Variants in GTF3C1 observed in about 807,000 individuals in gnomAD.
GTF3C1 encodes general transcription factor IIIC subunit 1.
A neutral mutation model predicts 226.7 loss-of-function variants in GTF3C1; 57 were observed. That is an observed-to-expected ratio of 0.25 (90% CI 0.20 to 0.31). GTF3C1 has a LOEUF of 0.31. Among genes scored for constraint, GTF3C1 ranks in the 10% least tolerant of loss-of-function variants. The pLI is 1.00. For synonymous variants in GTF3C1, 1,090 were observed against 1,084.8 expected, an observed-to-expected ratio of 1.00 and a Z score of -0.09; for missense variants, 2,217 against 2,776.1, an observed-to-expected ratio of 0.80 and a Z score of 4.53.
chr16:27,528,824 A>G, intron 5 of GTF3C1, 103 bp from the exon 6 acceptor site: 1 of 1,154,900 alleles, frequency 8.7e-7, no homozygotes, highest in Non-Finnish European at 1.3e-6. Flanking sequence ...GAATTAATTG[A>G]TTATCTTGAG....
rs1009853755 is a variant in GTF3C1 at position 27,526,191 on chromosome 16, G to GT, written c.973+2406dup. On this transcript the variant is annotated intron_variant, in intron 6 of 36. Coordinates refer to ENST00000356183, the MANE Select transcript of GTF3C1 (RefSeq NM_001520.4). ...TCTCCAGCCTCTGGCCTAGGAAACC[G>GT]TAAGTCTGGCTGTCAGTGTTGGAAG... is the stretch of plus-strand genomic sequence containing the variant. Among the ~76,000 whole-genome samples, 159 of 152,314 alleles carry GT rather than the reference G, an allele frequency of 1.0e-3. 2 individuals are homozygous for GT. The highest frequency in any genetic ancestry group is 3.5e-3 in the African/African-American group (144 of 41,590).
chr16:27,549,692 G>C lies in GTF3C1; in HGVS notation c.199C>G (p.Pro67Ala). Residue 67 changes from proline (P) to alanine (A), a missense_variant, in exon 1 of 37, where the codon CCC becomes GCC. Physicochemically the swap from Pro to Ala is conservative, Grantham distance 27 (BLOSUM62 -1). This residue lies in a region of GTF3C1 where 192 missense variants were observed against 251.8 expected (regional missense o/e 0.76). Coordinates refer to ENST00000356183, the MANE Select transcript of GTF3C1 (RefSeq NM_001520.4). ...ISFYEEPRER[P>A]DLQLQDRYEE... The stretch of plus-strand genomic sequence containing the variant: ...GACCGGTCCTGGAGCTGTAGGTCGG[G>C]TCGCTCCCGAGGCTCCTCATAGAAG... 1.3e-6 allele frequency: 2 copies of C among 1,591,548 alleles called. No homozygotes were observed. Among genetic ancestry groups the C allele is most frequent in the Non-Finnish European group, 1.7e-6 (2 of 1,170,686 alleles).
rs925274705 is a variant in GTF3C1 at position 27,464,960 on chromosome 16, C to T, written c.5356-124G>A. 1.8e-4 allele frequency: 144 copies of T among 806,958 alleles called. 1 individual carries two copies. The highest frequency in any genetic ancestry group is 3.0e-4 in the East Asian group (11 of 37,148). The allele number at this position is 806,958 out of a possible 1,614,324, so 50.0% of individuals were successfully genotyped here. The stretch of plus-strand genomic sequence containing the variant: ...GAGTGCCCTGAGCAGCCCAGGCCCA[C>T]GAGGCAGGCCTGGCTCCTAGCCCCG... On this transcript the variant is annotated intron_variant, in intron 33 of 36. Coordinates refer to ENST00000356183, the MANE Select transcript of GTF3C1 (RefSeq NM_001520.4).
At chr16:27,538,924 CT>C (rs1210146145) in intron 2 of GTF3C1, among the ~76,000 whole-genome samples, 1 of 146,330 alleles carries the variant, frequency 6.8e-6, no homozygotes, top group African/African-American at 2.5e-5. Context: ...TTTCCATATT[CT>C]TCATAGAACT....
At chr16:27,535,003 T>A (rs1465610489) in intron 4 of GTF3C1, among the ~76,000 whole-genome samples, 1 of 152,202 alleles carries the variant, frequency 6.6e-6, no homozygotes, top group Non-Finnish European at 1.5e-5. Context: ...CATTGATGCA[T>A]AAAATATAGG....
Position 27,495,284 on chromosome 16 carries a change from G to C in GTF3C1, c.2559C>G (p.Cys853Trp). 6.2e-7 allele frequency: 1 copy of C among 1,613,332 alleles called. No homozygotes were observed. Among genetic ancestry groups the C allele is most frequent in the Non-Finnish European group, 8.5e-7 (1 of 1,179,414 alleles). The change falls in exon 15 of 37, where the codon TGC becomes TGG. Residue 853 changes from cysteine to tryptophan, a missense_variant. Physicochemically the swap from Cys to Trp is radical, Grantham distance 215. Around this residue, in one of 12 missense-constraint regions of GTF3C1, gnomAD observed 353 missense variants for 411.7 expected, o/e 0.86. Coordinates refer to ENST00000356183, the MANE Select transcript of GTF3C1 (RefSeq NM_001520.4). The stretch of plus-strand genomic sequence containing the variant: ...GGCTGCCTTTAGATGGGGCTTCAGA[G>C]CAGGCCTCCCAGGCACTTCCAGAGG... ...PSSSGSAWEA[C>W]SEAPSKGSQD... is the part of the protein sequence containing the mutation.
Position 27,493,251 on chromosome 16 carries a change from T to C in GTF3C1, c.2824A>G (p.Thr942Ala). The C allele has an allele frequency of 6.2e-7, 1 of 1,612,416 alleles. No homozygotes were observed. Among genetic ancestry groups the C allele is most frequent in the Non-Finnish European group, 8.5e-7 (1 of 1,178,424 alleles). ...GGCCTGGGGAGAAAGCGGATCAGCG[T>C]GTGCTTCTTCAGCGGGTCGTTCAGA... ...EFLNDPLKKH[T>A]LIRFLPRPIR... The change falls in exon 17 of 37, where the codon ACG becomes GCG. Residue 942 changes from threonine to alanine, a missense_variant. This residue lies in a region of GTF3C1 where 353 missense variants were observed against 411.7 expected (regional missense o/e 0.86). Transcript: ENST00000356183.
At position 27,471,720 on chromosome 16, in the gene GTF3C1, G is replaced by A. The variant is rs1246288732; in HGVS notation, c.4526+28C>T. 3.2e-5 allele frequency: 51 copies of A among 1,582,892 alleles called. No homozygotes were observed. Among genetic ancestry groups the A allele is most frequent in the Non-Finnish European group, 4.3e-5 (50 of 1,152,390 alleles). On this transcript the variant is annotated intron_variant, in intron 30 of 36. Transcript: ENST00000356183. The surrounding 1 kb of genome is among the most constrained non-coding windows in gnomAD (Gnocchi z 5.0). ...AGACAGGGCGTGGCTCCACCTCGGA[G>A]TACCCAAGGCTCCTGACAGGTACTC...
rs1567422742 is a variant in GTF3C1 at position 27,549,894 on chromosome 16, T to C, written c.-4A>G. Reference sequence around the variant, plus strand: ...ACAACGACTCCAGCGCGTCCATTGCTACTTCAGTCGGCGGCGCCCGGGGCG... The same window carrying C: ...ACAACGACTCCAGCGCGTCCATTGCCACTTCAGTCGGCGGCGCCCGGGGCG... On this transcript the variant is annotated 5_prime_UTR_variant, in exon 1 of 37. Transcript: ENST00000356183. 2.5e-6 allele frequency: 4 copies of C among 1,607,532 alleles called. No individual in the cohort carries two copies. The highest frequency in any genetic ancestry group is 1.3e-5 in the African/African-American group (1 of 74,936).
chr16:27,544,200 G>A (rs756100835), intron 2 of GTF3C1, among the ~76,000 whole-genome samples: 6 of 151,930 alleles, frequency 3.9e-5, no homozygotes, highest in Non-Finnish European at 7.4e-5. Context: ...ACCAGCCTGA[G>A]CAACATGGCA....
chr16:27,525,670 C>T (rs2088821399), intron 6 of GTF3C1, among the ~76,000 whole-genome samples: 1 of 152,232 alleles, frequency 6.6e-6, no homozygotes, highest in African/African-American at 2.4e-5. Flanking sequence ...CTGCAGGGCA[C>T]TGAGCCCCGC....
chr16:27,483,372 C>T (rs1009550972), intron 25 of GTF3C1: 17 of 618,312 alleles, frequency 2.7e-5, no homozygotes, highest in Admixed American at 1.1e-4. Context: ...CATAGGTAAC[C>T]GAGAACACTG....
Position 27,497,775 on chromosome 16 carries a change from C to A in GTF3C1, c.2212G>T (p.Asp738Tyr), listed in dbSNP as rs749292945. ...PPVPQGEAEE[D>Y]SQGKEGPSGS... ...CTTGGGCCCTCTTTTCCTTGACTGT[C>A]TTCTTCTGCCTCCCCTTGGGGCACT... The change falls in exon 14 of 37, where the codon GAC becomes TAC. Residue 738 changes from aspartate (D) to tyrosine (Y), a missense_variant. Physicochemically the swap from Asp to Tyr is radical, Grantham distance 160 (BLOSUM62 -3). Around this residue, in one of 12 missense-constraint regions of GTF3C1, gnomAD observed 100 missense variants for 139.9 expected, o/e 0.71. Coordinates refer to ENST00000356183, the MANE Select transcript of GTF3C1 (RefSeq NM_001520.4). 5 of 1,614,144 alleles carry A rather than the reference C, an allele frequency of 3.1e-6. No individual in the cohort carries two copies. The highest frequency in any genetic ancestry group is 4.2e-6 in the Non-Finnish European group (5 of 1,179,994).
intron 19 of GTF3C1, among the ~76,000 whole-genome samples, chr16:27,490,954 T>A (rs1477274092): frequency 6.6e-6 from 1 of 152,192 alleles, no homozygotes; most frequent in African/African-American, 2.4e-5. Flanking sequence ...TCACCAATTG[T>A]CAGGCCTGAA....
intron 12 of GTF3C1, 128 bp downstream of exon 12, chr16:27,501,063 G>A: frequency 1.4e-6 from 1 of 736,864 alleles, no homozygotes; most frequent in South Asian, 1.8e-5. Context: ...AAATCAGGAG[G>A]CATAATGGGA....
At chr16:27,528,758 A>G (rs1335350378) in intron 5 of GTF3C1, 37 bp from the exon 6 acceptor site, 35 of 1,594,554 alleles carry the variant, frequency 2.2e-5, no homozygotes, top group Non-Finnish European at 2.8e-5. Flanking sequence ...TATTAGACAC[A>G]GCAAGATGTC....
At chr16:27,533,670 C>G (rs912525181) in intron 4 of GTF3C1, among the ~76,000 whole-genome samples, 1 of 152,142 alleles carries the variant, frequency 6.6e-6, no homozygotes, top group African/African-American at 2.4e-5. Context: ...TGTAAAACAC[C>G]TTTCATTTTT....
chr16:27,514,135 C>A (rs571695296), intron 6 of GTF3C1, among the ~76,000 whole-genome samples: 85 of 152,346 alleles, frequency 5.6e-4, no homozygotes, highest in African/African-American at 1.9e-3. Context: ...CAGGCACCAA[C>A]CTTGTGTTGA....
intron 16 of GTF3C1, among the ~76,000 whole-genome samples, chr16:27,494,525 C>T (rs912104428): frequency 6.6e-6 from 1 of 152,126 alleles, no homozygotes; most frequent in East Asian, 1.9e-4. Flanking sequence ...AGTATTTACC[C>T]GCCAACCACC....
Sources: allele counts gnomAD v4.1 joint callset (sites outside exome capture counted in the v4.1 genomes callset), GRCh38; gene constraint gnomAD v4.1.1; regional missense constraint gnomAD v4.1.1; non-coding constraint Gnocchi (gnomAD v3.1); transcripts MANE v1.5; gene names NCBI Gene and HGNC (gene_info 2026-07-23, HGNC 2026-07-21).